RGS21: variants seen among roughly 807,000 people sequenced by gnomAD.
The protein encoded by RGS21 is regulator of G protein signaling 21.
Under a neutral mutation model 18.7 loss-of-function variants are expected in RGS21, and 19 were observed. The ratio of observed to expected loss-of-function variants is 1.01; its 90% CI spans 0.71 to 1.49. The LOEUF is 1.49. Among genes scored for constraint, RGS21 ranks in the 40% most tolerant of loss-of-function variants. The pLI is 0.00. For synonymous variants in RGS21, 56 were observed against 57.8 expected, an observed-to-expected ratio of 0.97 and a Z score of 0.14; for missense variants, 194 against 176.8, an observed-to-expected ratio of 1.10 and a Z score of -0.55.
chr1:192,338,547 G>A (rs1172807083), intron 1 of RGS21, among the ~76,000 whole-genome samples: 2 of 152,006 alleles, frequency 1.3e-5, no homozygotes, highest in Non-Finnish European at 2.9e-5. Flanking sequence ...GCTGTGACCT[G>A]TGCAAGAGAC....
intron 1 of RGS21, among the ~76,000 whole-genome samples, chr1:192,320,184 G>A (rs1371905078): frequency 6.6e-6 from 1 of 151,900 alleles, no homozygotes. Context: ...TAGCTAATGG[G>A]TACTAGGCTT....
At chr1:192,330,028 T>C (rs1008919204) in intron 1 of RGS21, among the ~76,000 whole-genome samples, 1 of 152,166 alleles carries the variant, frequency 6.6e-6, no homozygotes, top group Non-Finnish European at 1.5e-5. Flanking sequence ...AACATTGTTA[T>C]TAATATTATA....
At chr1:192,322,310 T>C (rs1282620645) in intron 1 of RGS21, among the ~76,000 whole-genome samples, 2 of 152,096 alleles carry the variant, frequency 1.3e-5, no homozygotes, top group East Asian at 3.8e-4. Context: ...TCAAATTAAT[T>C]GTTCCAAACC....
intron 1 of RGS21, among the ~76,000 whole-genome samples, chr1:192,331,014 A>G (rs967042683): frequency 6.6e-6 from 1 of 152,196 alleles, no homozygotes; most frequent in African/African-American, 2.4e-5. Context: ...AGATTGTATC[A>G]GTGCTTGTGT....
At chr1:192,324,613 G>GCA (rs3077773) in intron 1 of RGS21, among the ~76,000 whole-genome samples, 9 of 151,028 alleles carry the variant, frequency 6.0e-5, no homozygotes, top group East Asian at 1.9e-4. Context: ...GTGTGTGCGT[G>GCA]CACACACACA....
chr1:192,323,923 G>A (rs1419251801), intron 1 of RGS21, among the ~76,000 whole-genome samples: 1 of 114,328 alleles, frequency 8.7e-6, no homozygotes, highest in Non-Finnish European at 1.8e-5. Context: ...GCTAAGAAAT[G>A]TATTCAAAAA....
intron 1 of RGS21, among the ~76,000 whole-genome samples, chr1:192,340,986 T>A (rs1238087425): frequency 6.6e-6 from 1 of 151,996 alleles, no homozygotes; most frequent in Non-Finnish European, 1.5e-5. Flanking sequence ...GCAAACCATA[T>A]CAGGACCAGA....
chr1:192,331,046 A>G (rs1041212807), intron 1 of RGS21, among the ~76,000 whole-genome samples: 4 of 152,148 alleles, frequency 2.6e-5, no homozygotes, highest in Non-Finnish European at 5.9e-5. Flanking sequence ...ACTGAAACCT[A>G]TGGTTGATGT....
chr1:192,331,380 C>T (rs1159715405), intron 1 of RGS21, among the ~76,000 whole-genome samples: 1 of 151,882 alleles, frequency 6.6e-6, no homozygotes, highest in East Asian at 1.9e-4. Flanking sequence ...GGTGAAATCC[C>T]GTCTCTACTA....
At chr1:192,321,588 T>A (rs962469585) in intron 1 of RGS21, among the ~76,000 whole-genome samples, 1 of 152,038 alleles carries the variant, frequency 6.6e-6, no homozygotes, top group African/African-American at 2.4e-5. Context: ...TGACACTTCA[T>A]AAAAAGGAGC....
At chr1:192,334,338 G>C (rs1416500) in intron 1 of RGS21, among the ~76,000 whole-genome samples, 45,231 of 151,878 alleles carry the variant, frequency 0.3, 7,502 homozygotes, top group African/African-American at 0.43. Context: ...TGCTATTACA[G>C]TCAAGATCAA....
intron 1 of RGS21, among the ~76,000 whole-genome samples, chr1:192,327,408 T>C (rs1245403206): frequency 6.6e-6 from 1 of 152,168 alleles, no homozygotes; most frequent in Non-Finnish European, 1.5e-5. Flanking sequence ...GTAATAATGC[T>C]AAATCTCAAA....
intron 1 of RGS21, among the ~76,000 whole-genome samples, chr1:192,339,051 A>G (rs1280938586): frequency 6.6e-6 from 1 of 152,050 alleles, no homozygotes; most frequent in East Asian, 1.9e-4. Context: ...TGACTATCTC[A>G]TAGAATAATA....
chr1:192,353,979 T>C (rs1367905761), intron 4 of RGS21, among the ~76,000 whole-genome samples: 3 of 151,612 alleles, frequency 2.0e-5, no homozygotes, highest in African/African-American at 4.8e-5. Context: ...TATATATACA[T>C]ATATATATGA....
intron 4 of RGS21, among the ~76,000 whole-genome samples, chr1:192,359,322 G>C (rs868640427): frequency 9.9e-5 from 15 of 152,120 alleles, no homozygotes; most frequent in South Asian, 8.3e-4. Context: ...GCAGTTCATA[G>C]TTGGAGATGC....
intron 3 of RGS21, among the ~76,000 whole-genome samples, chr1:192,349,061 TA>T (rs1658996297): frequency 1.3e-5 from 2 of 152,152 alleles, no homozygotes; most frequent in Non-Finnish European, 2.9e-5. Flanking sequence ...TGCTGTTTAT[TA>T]AGTGTTAAAT....
intron 3 of RGS21, among the ~76,000 whole-genome samples, chr1:192,350,071 G>C (rs879534667): frequency 6.6e-6 from 1 of 152,122 alleles, no homozygotes; most frequent in Non-Finnish European, 1.5e-5. Flanking sequence ...TTACTAAGGG[G>C]ATTTTTATAA....
Position 192,365,926 on chromosome 1 carries a change from C to T in RGS21, c.261C>T (p.Asn87=), listed in dbSNP as rs1416135622. ...TGCAACCTTATTTTCCACAGATTAA[C>T]ATTGACTTCGGTACCAGAGACCTCA... ...FIEADAPKEI[N]IDFGTRDLIS... The change falls in exon 5 of 5, where the codon AAC becomes AAT. Residue 87 remains asparagine, a synonymous_variant. Coordinates refer to ENST00000417209, the MANE Select transcript of RGS21 (RefSeq NM_001039152.3). The T allele has an allele frequency of 1.3e-6, 2 of 1,586,956 alleles. No individual in the cohort carries two copies. Among genetic ancestry groups the T allele is most frequent in the South Asian group, 1.1e-5 (1 of 89,362 alleles).
intron 4 of RGS21, among the ~76,000 whole-genome samples, chr1:192,358,491 AAAT>A (rs1378868238): frequency 6.6e-6 from 1 of 152,054 alleles, no homozygotes; most frequent in Non-Finnish European, 1.5e-5. Context: ...AGGTAACCAA[AAAT>A]ATGATTATAG....
Sources: allele counts gnomAD v4.1 joint callset (sites outside exome capture counted in the v4.1 genomes callset), GRCh38; gene constraint gnomAD v4.1.1; transcripts MANE v1.5; gene names NCBI Gene and HGNC (gene_info 2026-07-23, HGNC 2026-07-21).